L3MBTL4: variants seen among roughly 807,000 people sequenced by gnomAD.
The protein encoded by L3MBTL4 is lethal(3)malignant brain tumor-like protein 4.
Under a neutral mutation model 84.5 loss-of-function variants are expected in L3MBTL4, and 70 were observed. The observed-to-expected ratio is 0.83, with a 90% CI of 0.68 to 1.01. The LOEUF (loss-of-function observed/expected upper bound fraction) is 1.01, where lower values mean the gene tolerates loss of function less well. Ranked by LOEUF, L3MBTL4 falls within the 50% of genes least tolerant of loss-of-function variation. The pLI is 0.00. For synonymous variants in L3MBTL4, 274 were observed against 259.8 expected (o/e 1.05, Z -0.52); for missense variants, 715 against 754.8 (o/e 0.95, Z 0.62).
chr18:6,062,919 T>G (rs925704704), intron 16 of L3MBTL4, among the ~76,000 whole-genome samples: 1 of 151,886 alleles, frequency 6.6e-6, no homozygotes, highest in Non-Finnish European at 1.5e-5. Flanking sequence ...GAGATTTTAG[T>G]GCACCCGTCA....
At chr18:6,157,437 T>G (rs2043149670) in intron 13 of L3MBTL4, among the ~76,000 whole-genome samples, 1 of 152,198 alleles carries the variant, frequency 6.6e-6, no homozygotes, top group South Asian at 2.1e-4. Context: ...TGAATAAAAT[T>G]TTTCTAATTC....
intron 13 of L3MBTL4, among the ~76,000 whole-genome samples, chr18:6,150,713 TAGAACTGAGAG>T (rs754277383): frequency 5.9e-5 from 9 of 152,158 alleles, no homozygotes; most frequent in Non-Finnish European, 1.3e-4. Flanking sequence ...GTCCAGACTG[TAGAACTGAGAG>T]AGAACAAGCC....
At chr18:6,216,699 T>A (rs2046342265) in intron 10 of L3MBTL4, among the ~76,000 whole-genome samples, 2 of 152,180 alleles carry the variant, frequency 1.3e-5, no homozygotes, top group Admixed American at 6.5e-5. Context: ...ACACATTTTT[T>A]AAAAATATGT....
intron 1 of L3MBTL4, among the ~76,000 whole-genome samples, chr18:6,366,380 T>C (rs2053935061): frequency 6.6e-6 from 1 of 152,202 alleles, no homozygotes; most frequent in Admixed American, 6.5e-5. Flanking sequence ...CTACTATGTC[T>C]AGAGAAAGAT....
At chr18:6,224,598 C>A (rs1320994302) in intron 10 of L3MBTL4, among the ~76,000 whole-genome samples, 1 of 152,226 alleles carries the variant, frequency 6.6e-6, no homozygotes, top group South Asian at 2.1e-4. Flanking sequence ...TCTCTACCCA[C>A]TCCCATGGCC....
At chr18:6,382,824 A>G (rs1455271918) in intron 1 of L3MBTL4, among the ~76,000 whole-genome samples, 1 of 152,206 alleles carries the variant, frequency 6.6e-6, no homozygotes, top group East Asian at 1.9e-4. Flanking sequence ...TCTGACCCTT[A>G]GCAGAGCTCA....
chr18:6,365,590 C>A (rs1422575983), intron 1 of L3MBTL4, among the ~76,000 whole-genome samples: 1 of 152,122 alleles, frequency 6.6e-6, no homozygotes, highest in African/African-American at 2.4e-5. Context: ...TGGTTTAAAT[C>A]ATCAGATCCC....
chr18:6,213,082 G>C, intron 12 of L3MBTL4, 67 bp downstream of exon 12: 1 of 814,672 alleles, frequency 1.2e-6, no homozygotes, highest in Non-Finnish European at 1.9e-6. Flanking sequence ...AGAATGGGAG[G>C]GTAGAGGAAA....
chr18:6,019,363 T>A (rs2055144338), intron 16 of L3MBTL4, among the ~76,000 whole-genome samples: 1 of 152,206 alleles, frequency 6.6e-6, no homozygotes, highest in South Asian at 2.1e-4. Context: ...TCTCAATAGT[T>A]CATTAGAGTT....
At chr18:6,018,177 G>A (rs140484503) in intron 16 of L3MBTL4, among the ~76,000 whole-genome samples, 8 of 152,250 alleles carry the variant, frequency 5.3e-5, no homozygotes, top group East Asian at 1.9e-4. Context: ...GTGATTGATC[G>A]GGCAGAGTCC....
intron 16 of L3MBTL4, among the ~76,000 whole-genome samples, chr18:6,071,928 G>T (rs374994568): frequency 6.6e-6 from 1 of 152,146 alleles, no homozygotes; most frequent in Non-Finnish European, 1.5e-5. Flanking sequence ...AAAATCACAC[G>T]CCACTTGGAA....
chr18:6,202,236 C>A (rs1475933486), intron 12 of L3MBTL4, among the ~76,000 whole-genome samples: 6 of 152,258 alleles, frequency 3.9e-5, no homozygotes. Context: ...TCTAGGGCTA[C>A]CCGATTTGTG....
In L3MBTL4 at chr18:6,190,998, C is replaced by G. The variant is rs2045054777; in HGVS notation, c.982-19056G>C. Among the ~76,000 whole-genome samples, 3 of 152,022 alleles carry G rather than the reference C, an allele frequency of 2.0e-5. No homozygotes were observed. In the South Asian group the frequency reaches 6.2e-4, roughly 32 times the overall value. Reference sequence around the variant, plus strand: ...GGGAAAAGGCGGTAAGAGTTAAGGTCAGAGGGGGAACACAGGTACAGTATG... The same window carrying G: ...GGGAAAAGGCGGTAAGAGTTAAGGTGAGAGGGGGAACACAGGTACAGTATG... On this transcript the variant is annotated intron_variant, in intron 12 of 18. Transcript: ENST00000317931.
intron 1 of L3MBTL4, among the ~76,000 whole-genome samples, chr18:6,413,174 C>T (rs971040922): frequency 1.3e-5 from 2 of 152,208 alleles, no homozygotes; most frequent in Non-Finnish European, 1.5e-5. Context: ...CACCTTCCCA[C>T]CAATACCCTT....
At chr18:6,378,715 A>G (rs2054474713) in intron 1 of L3MBTL4, among the ~76,000 whole-genome samples, 1 of 152,174 alleles carries the variant, frequency 6.6e-6, no homozygotes, top group African/African-American at 2.4e-5. Context: ...TGTTTTGGTC[A>G]CTGTAGCCTT....
chr18:6,013,236 T>A (rs947621236), intron 16 of L3MBTL4, among the ~76,000 whole-genome samples: 3 of 152,074 alleles, frequency 2.0e-5, no homozygotes, highest in Admixed American at 6.6e-5. Context: ...CCGCTGGCAA[T>A]GGGAGGCAGC....
chr18:6,161,726 C>T (rs1313775190), intron 13 of L3MBTL4, among the ~76,000 whole-genome samples: 1 of 152,158 alleles, frequency 6.6e-6, no homozygotes, highest in Non-Finnish European at 1.5e-5. Flanking sequence ...CTGAGCCCGG[C>T]TCAACACTGC....
chr18:6,306,190 C>G (rs2050578090), intron 3 of L3MBTL4, among the ~76,000 whole-genome samples: 1 of 152,184 alleles, frequency 6.6e-6, no homozygotes, highest in South Asian at 2.1e-4. Context: ...CTTTTTTGCT[C>G]TGATCCAATG....
rs9947371 is a variant in L3MBTL4, at chr18:6,133,274, T to A, written c.1199+4920A>T. On this transcript the variant is annotated intron_variant, in intron 14 of 18. Transcript: ENST00000317931. ...AGCATGTGAAATATGGCCAAGCGTG[T>A]GTGAGGAACACAGAGGCAGGGGACT... Among the ~76,000 whole-genome samples, 226 of 151,832 alleles carry A rather than the reference T, an allele frequency of 1.5e-3. 1 individual carries two copies. Among genetic ancestry groups the A allele is most frequent in the African/African-American group, 5.3e-3 (220 of 41,310 alleles).
Sources: gnomAD v4.1 joint callset for allele counts (sites outside exome capture counted in the v4.1 genomes callset) on GRCh38, gnomAD v4.1.1 for gene constraint, MANE v1.5 for transcripts, NCBI Gene and HGNC (gene_info 2026-07-23, HGNC 2026-07-21) for gene names.